The following RBFOX1 variants were observed in gnomAD, a reference collection of about 807,000 sequenced individuals.
RBFOX1 encodes the protein RNA binding protein fox-1 homolog 1.
Under a neutral mutation model 57.7 loss-of-function variants are expected in RBFOX1, and 8 were observed. The ratio of observed to expected loss-of-function variants is 0.14; its 90% CI spans 0.08 to 0.25. The LOEUF (loss-of-function observed/expected upper bound fraction) is 0.25. RBFOX1 is among the 10% of genes least tolerant of loss of function. RBFOX1 has a pLI of 1.00. For synonymous variants in RBFOX1, 326 were observed against 222.4 expected, an observed-to-expected ratio of 1.47 and a Z score of -4.15; for missense variants, 611 against 548.5, an observed-to-expected ratio of 1.11 and a Z score of -1.14.
At chr16:7,346,891 G>C (rs753991711) in intron 4 of RBFOX1, among the ~76,000 whole-genome samples, 2 of 152,042 alleles carry the variant, frequency 1.3e-5, no homozygotes, top group African/African-American at 2.4e-5. Flanking sequence ...ACTCAATCCT[G>C]TCTAGCTTCA....
intron 14 of RBFOX1, among the ~76,000 whole-genome samples, chr16:7,691,419 GAAAGAACGGAA>G (rs901528200): frequency 6.6e-6 from 1 of 150,838 alleles, no homozygotes; most frequent in African/African-American, 2.4e-5. Flanking sequence ...TGAAAGGAGA[GAAAGAACGGAA>G]AGAAAACGGA....
At chr16:6,992,531 C>T (rs10500343) in intron 3 of RBFOX1, among the ~76,000 whole-genome samples, 23,373 of 151,978 alleles carry the variant, frequency 0.15, 2,221 homozygotes, top group East Asian at 0.39. Context: ...TCCTTAAGTA[C>T]CTTGTTCATC....
intron 4 of RBFOX1, among the ~76,000 whole-genome samples, chr16:7,248,899 T>C (rs2094410404): frequency 2.0e-5 from 3 of 152,228 alleles, no homozygotes; most frequent in Admixed American, 6.5e-5. Flanking sequence ...AATGTTGCTA[T>C]GTATAGCCAA....
At chr16:6,970,252 C>G (rs188554755) in intron 3 of RBFOX1, among the ~76,000 whole-genome samples, 2 of 152,054 alleles carry the variant, frequency 1.3e-5, no homozygotes. Flanking sequence ...AAAGTCTTAA[C>G]AGAATAAGAA....
At chr16:6,147,209 G>A (rs927423192) in intron 1 of RBFOX1, among the ~76,000 whole-genome samples, 1 of 152,172 alleles carries the variant, frequency 6.6e-6, no homozygotes, top group Non-Finnish European at 1.5e-5. Context: ...TAGATATTCT[G>A]TCTTGCTGGC....
intron 4 of RBFOX1, among the ~76,000 whole-genome samples, chr16:7,479,728 G>A (rs552719211): frequency 6.6e-6 from 1 of 152,146 alleles, no homozygotes; most frequent in East Asian, 1.9e-4. Flanking sequence ...GGGGGCAGGT[G>A]TAGGTGATTG....
At chr16:7,428,407 A>T (rs2098643807) in intron 4 of RBFOX1, among the ~76,000 whole-genome samples, 1 of 146,466 alleles carries the variant, frequency 6.8e-6, no homozygotes, top group African/African-American at 2.5e-5. Flanking sequence ...GTTCACTGCA[A>T]CTTTTGCCTC....
intron 3 of RBFOX1, among the ~76,000 whole-genome samples, chr16:6,701,245 G>C (rs2061803968): frequency 6.6e-6 from 1 of 152,128 alleles, no homozygotes; most frequent in African/African-American, 2.4e-5. Flanking sequence ...TGTGATCCTT[G>C]AGCAAGGAGG....
intron 4 of RBFOX1, among the ~76,000 whole-genome samples, chr16:7,192,272 G>C (rs529247288): frequency 1.3e-5 from 2 of 152,212 alleles, no homozygotes; most frequent in African/African-American, 2.4e-5. Context: ...TGCAAGGAGA[G>C]AGAGTTTCCT....
chr16:6,218,696 A>C (rs1402444890), intron 1 of RBFOX1, among the ~76,000 whole-genome samples: 1 of 152,190 alleles, frequency 6.6e-6, no homozygotes, highest in African/African-American at 2.4e-5. Flanking sequence ...TCATTGTTCT[A>C]CATGGAAAAT....
chr16:7,030,342 T>G (rs1475696422), intron 3 of RBFOX1, among the ~76,000 whole-genome samples: 2 of 152,194 alleles, frequency 1.3e-5, no homozygotes, highest in Non-Finnish European at 2.9e-5. Flanking sequence ...TTTCCTAGCA[T>G]TGCCATAAGT....
chr16:7,062,892 C>CTTTTT lies in RBFOX1; in HGVS notation c.27+10794_27+10795insTTTTT, dbSNP rs1491558284. On this transcript the variant is annotated intron_variant, in intron 4 of 15. Coordinates refer to ENST00000550418, the MANE Select transcript of RBFOX1 (RefSeq NM_018723.4). Reference sequence around the variant, plus strand: ...TACCTCATCTCATTCAAATGATCGCCATTTTTTTTTTTTTTTTTTTTTTTT... The same window carrying CTTTTT: ...TACCTCATCTCATTCAAATGATCGCCTTTTTATTTTTTTTTTTTTTTTTTTTTTTT... Among the ~76,000 whole-genome samples, 167 of 59,944 alleles carry CTTTTT rather than the reference C, an allele frequency of 2.8e-3. 29 individuals are homozygous for CTTTTT. Among genetic ancestry groups the CTTTTT allele is most frequent in the Middle Eastern group, 0.014 (1 of 72 alleles). The allele number at this position is 59,944 out of a possible 152,430, so 39.3% of individuals were successfully genotyped here.
At chr16:7,314,740 G>T (rs1323072099) in intron 4 of RBFOX1, among the ~76,000 whole-genome samples, 1 of 152,168 alleles carries the variant, frequency 6.6e-6, no homozygotes, top group East Asian at 1.9e-4. Context: ...ACAACAGGCA[G>T]GGGAGAGGGC....
At chr16:6,979,480 C>T (rs549953998) in intron 3 of RBFOX1, among the ~76,000 whole-genome samples, 1 of 152,272 alleles carries the variant, frequency 6.6e-6, no homozygotes, top group South Asian at 2.1e-4. Flanking sequence ...TCCCCCAGTA[C>T]CTTTCTATTG....
At chr16:6,146,325 T>A (rs1251449664) in intron 1 of RBFOX1, among the ~76,000 whole-genome samples, 1 of 152,222 alleles carries the variant, frequency 6.6e-6, no homozygotes, top group Non-Finnish European at 1.5e-5. Context: ...CATTTTTAGC[T>A]GTTCAATGGG....
At chr16:6,706,486 G>A (rs2062767910) in intron 3 of RBFOX1, among the ~76,000 whole-genome samples, 1 of 152,202 alleles carries the variant, frequency 6.6e-6, no homozygotes, top group Admixed American at 6.5e-5. Flanking sequence ...CTGATGGCTG[G>A]TAATGAGGCA....
chr16:7,240,858 C>T (rs1283761839), intron 4 of RBFOX1, among the ~76,000 whole-genome samples: 1 of 152,228 alleles, frequency 6.6e-6, no homozygotes, highest in East Asian at 1.9e-4. Context: ...GCGTGAGCCG[C>T]TGCACCTGGC....
chr16:5,906,337 A>G (rs1443752546), intron 4 of RBFOX1, among the ~76,000 whole-genome samples: 2 of 152,212 alleles, frequency 1.3e-5, no homozygotes, highest in Admixed American at 6.5e-5. Context: ...CGTGGGGATA[A>G]TGCAGTAATG....
intron 4 of RBFOX1, among the ~76,000 whole-genome samples, chr16:7,328,364 C>T (rs754842027): frequency 1.9e-4 from 29 of 151,452 alleles, no homozygotes; most frequent in Non-Finnish European, 3.4e-4. Flanking sequence ...CCTGTAATCC[C>T]AGCTACTCGG....
Sources: gnomAD v4.1 joint callset for allele counts (sites outside exome capture counted in the v4.1 genomes callset) on GRCh38, gnomAD v4.1.1 for gene constraint, MANE v1.5 for transcripts, NCBI Gene and HGNC (gene_info 2026-07-23, HGNC 2026-07-21) for gene names.